TSC22D1: variants seen among roughly 807,000 people sequenced by gnomAD.
TSC22D1 encodes TSC22 domain family member 1, also known as TSC22 domain family protein 1.
Under a neutral mutation model 74.2 loss-of-function variants are expected in TSC22D1, and 9 were observed. The ratio of observed to expected loss-of-function variants is 0.12; its 90% CI spans 0.07 to 0.21. The LOEUF is 0.21. Ranked by LOEUF, TSC22D1 falls within the 10% of genes least tolerant of loss-of-function variation. The pLI, the probability that TSC22D1 is intolerant of heterozygous loss-of-function variation, is 1.00. For missense variants in TSC22D1, 1,427 were observed against 1,304.7 expected (o/e 1.09, Z -1.44); for synonymous variants, 586 against 492.5 (o/e 1.19, Z -2.51).
At chr13:44,441,124 A>G (rs1374795384) in intron 1 of TSC22D1, among the ~76,000 whole-genome samples, 1 of 152,176 alleles carries the variant, frequency 6.6e-6, no homozygotes, top group African/African-American at 2.4e-5. Context: ...TACTGGAGGA[A>G]AGGAAGGGAA....
intron 1 of TSC22D1, among the ~76,000 whole-genome samples, chr13:44,442,977 TATGGGACAGTTTCAA>T (rs756365279): frequency 4.2e-4 from 58 of 139,534 alleles, no homozygotes; most frequent in Non-Finnish European, 7.3e-4. Context: ...GTCAATAAGC[TATGGGACAGTTTCAA>T]GCAACCAAAT....
Position 44,465,264 on chromosome 13 carries a change from G to GA in TSC22D1, c.2913-29170dup, listed in dbSNP as rs112528555. 7.2e-3 allele frequency among the ~76,000 whole-genome samples: 1,091 copies of GA among 150,978 alleles called. 5 individuals are homozygous for GA. The highest frequency in any genetic ancestry group is 8.6e-3 in the African/African-American group (355 of 41,168). ...CAGGAATACAAGGAGAGCCTCCCAG[G>GA]AAAAAAAAATGCAGGCTTAAACTTT... On this transcript the variant is annotated intron_variant, in intron 1 of 2. Coordinates refer to ENST00000458659, the MANE Select transcript of TSC22D1 (RefSeq NM_183422.4).
At chr13:44,484,944 T>G (rs969469960) in intron 1 of TSC22D1, among the ~76,000 whole-genome samples, 1 of 152,186 alleles carries the variant, frequency 6.6e-6, no homozygotes, top group African/African-American at 2.4e-5. Context: ...TCACTTAACT[T>G]TCAAATTCGA....
At chr13:44,469,576 G>T (rs979084902) in intron 1 of TSC22D1, among the ~76,000 whole-genome samples, 1 of 152,142 alleles carries the variant, frequency 6.6e-6, no homozygotes, top group African/African-American at 2.4e-5. Flanking sequence ...CAAAAACTCT[G>T]CCCCAAAGCA....
intron 1 of TSC22D1, among the ~76,000 whole-genome samples, chr13:44,563,341 G>C (rs1344073265): frequency 1.3e-5 from 2 of 152,110 alleles, no homozygotes; most frequent in African/African-American, 4.8e-5. Flanking sequence ...ACCCTGTACT[G>C]AACATTTTAC....
At chr13:44,456,226 C>A (rs554450788) in intron 1 of TSC22D1, among the ~76,000 whole-genome samples, 1 of 152,320 alleles carries the variant, frequency 6.6e-6, no homozygotes, top group South Asian at 2.1e-4. Context: ...AACAACAAAG[C>A]TTCCACGGCG....
At chr13:44,528,601 T>C (rs574940297) in intron 1 of TSC22D1, among the ~76,000 whole-genome samples, 124 of 151,844 alleles carry the variant, frequency 8.2e-4, no homozygotes, top group Non-Finnish European at 1.6e-3. Context: ...ACCAATAATC[T>C]AGGAAAACTG....
intron 1 of TSC22D1, among the ~76,000 whole-genome samples, chr13:44,476,895 C>CTGG (rs568036929): frequency 1.3e-3 from 202 of 152,000 alleles, no homozygotes; most frequent in African/African-American, 4.5e-3. Flanking sequence ...CTCAAAACCC[C>CTGG]TGGTCTCAAG....
At chr13:44,521,188 C>A (rs1372728089) in intron 1 of TSC22D1, among the ~76,000 whole-genome samples, 1 of 152,112 alleles carries the variant, frequency 6.6e-6, no homozygotes, top group Non-Finnish European at 1.5e-5. Flanking sequence ...CAATTGAGAA[C>A]CTAAGTCTGG....
At chr13:44,576,395 G>A (rs926351617), upstream of TSC22D1, 12 of 273,390 alleles carry the variant, frequency 4.4e-5, no homozygotes, top group Non-Finnish European at 7.5e-5. Context: ...GGAGGGAGGG[G>A]GAGAGCGCAG....
chr13:44,480,521 A>C (rs1279052512), intron 1 of TSC22D1, among the ~76,000 whole-genome samples: 5 of 152,204 alleles, frequency 3.3e-5, no homozygotes, highest in African/African-American at 1.2e-4. Flanking sequence ...CGATCCCAGG[A>C]CCAGCTGTTG....
At position 44,534,168 on chromosome 13, in the gene TSC22D1, G is replaced by A. The variant is rs80300570; in HGVS notation, c.2912+38995C>T. The stretch of plus-strand genomic sequence containing the variant: ...TGAACCTGGGGAGTTCGAGGCTGCA[G>A]TAAGCCAGGATTGAGCCACTGCACT... On this transcript the variant is annotated intron_variant, in intron 1 of 2. Transcript: ENST00000458659. Among the ~76,000 whole-genome samples the A allele has an allele frequency of 1.9e-3, 283 of 150,716 alleles. 5 individuals are homozygous for A. The East Asian group carries it at 0.039, about 21-fold the overall frequency.
intron 1 of TSC22D1, among the ~76,000 whole-genome samples, chr13:44,522,937 G>T (rs1425560653): frequency 6.6e-6 from 1 of 150,994 alleles, no homozygotes; most frequent in East Asian, 1.9e-4. Context: ...ATAAAGGACT[G>T]GTATCTAAAA....
chr13:44,531,777 C>G (rs78641698), intron 1 of TSC22D1, among the ~76,000 whole-genome samples: 1,624 of 152,292 alleles, frequency 0.011, 22 homozygotes, highest in African/African-American at 0.036. Context: ...ATTAAAAGCA[C>G]TATTATACTA....
chr13:44,445,102 TAA>T (rs1875528160), intron 1 of TSC22D1, among the ~76,000 whole-genome samples: 1 of 151,948 alleles, frequency 6.6e-6, no homozygotes, highest in Admixed American at 6.6e-5. Flanking sequence ...TAAAGCCAGA[TAA>T]AGACATTATA....
chr13:44,503,820 C>T (rs974993871), intron 1 of TSC22D1, among the ~76,000 whole-genome samples: 69 of 152,074 alleles, frequency 4.5e-4, no homozygotes, highest in African/African-American at 1.7e-3. Flanking sequence ...ATTACAAAAC[C>T]TAATTTTATA....
chr13:44,519,504 C>T (rs1382097468), intron 1 of TSC22D1, among the ~76,000 whole-genome samples: 3 of 152,082 alleles, frequency 2.0e-5, no homozygotes, highest in African/African-American at 7.2e-5. Flanking sequence ...TATTCAAGAA[C>T]ATCACAAGAG....
chr13:44,478,812 G>T (rs1335762657), intron 1 of TSC22D1, among the ~76,000 whole-genome samples: 1 of 152,048 alleles, frequency 6.6e-6, no homozygotes, highest in Admixed American at 6.6e-5. Flanking sequence ...AACAGCACTA[G>T]GTAGGGATTT....
intron 1 of TSC22D1, among the ~76,000 whole-genome samples, chr13:44,547,634 C>T (rs1383445392): frequency 6.6e-6 from 1 of 152,184 alleles, no homozygotes; most frequent in Non-Finnish European, 1.5e-5. Context: ...TAAATATCCT[C>T]CTTCCTTTTT....
Sources: gnomAD v4.1 joint callset for allele counts (sites outside exome capture counted in the v4.1 genomes callset) on GRCh38, gnomAD v4.1.1 for gene constraint, MANE v1.5 for transcripts, NCBI Gene and HGNC (gene_info 2026-07-23, HGNC 2026-07-21) for gene names.